Variants in ITFG1 observed in about 807,000 individuals in gnomAD.
ITFG1 encodes the protein integrin alpha FG-GAP repeat containing 1.
In ITFG1, 34 loss-of-function variants were observed where a neutral mutation model predicts 81.8. The ratio of observed to expected loss-of-function variants is 0.42; its 90% CI spans 0.32 to 0.55. ITFG1 has a LOEUF of 0.55. Ranked by LOEUF, ITFG1 falls within the 20% of genes least tolerant of loss-of-function variation. ITFG1 has a pLI of 0.17. For synonymous variants in ITFG1, 285 were observed against 270.6 expected, an observed-to-expected ratio of 1.05 and a Z score of -0.52; for missense variants, 672 against 755.4, an observed-to-expected ratio of 0.89 and a Z score of 1.29.
intron 10 of ITFG1, among the ~76,000 whole-genome samples, chr16:47,290,696 T>G (rs914920657): frequency 3.3e-5 from 5 of 152,212 alleles, no homozygotes; most frequent in Admixed American, 6.5e-5. Context: ...TATGTGTATT[T>G]ACAGGTAAAG....
chr16:47,294,326 C>T (rs1966952699), intron 10 of ITFG1, among the ~76,000 whole-genome samples: 1 of 151,984 alleles, frequency 6.6e-6, no homozygotes, highest in South Asian at 2.1e-4. Flanking sequence ...CTCAGGAGTG[C>T]TTTGGTCATT....
intron 6 of ITFG1, among the ~76,000 whole-genome samples, chr16:47,400,407 T>C (rs1359558107): frequency 6.6e-6 from 1 of 151,232 alleles, no homozygotes; most frequent in African/African-American, 2.4e-5. Context: ...ACACCAGCAT[T>C]GTGTCAGGAC....
intron 10 of ITFG1, among the ~76,000 whole-genome samples, chr16:47,278,201 C>CA (rs1966417497): frequency 6.6e-6 from 1 of 152,130 alleles, no homozygotes; most frequent in South Asian, 2.1e-4. Context: ...ATAGAAGTGT[C>CA]AGTGTTTAAC....
intron 14 of ITFG1, among the ~76,000 whole-genome samples, chr16:47,186,192 C>T: frequency 6.6e-6 from 1 of 152,178 alleles, no homozygotes; most frequent in East Asian, 1.9e-4. Flanking sequence ...CAAGGAGGAA[C>T]TGGTACCATT....
chr16:47,453,268 T>C (rs1210215910), intron 3 of ITFG1, among the ~76,000 whole-genome samples: 1 of 152,210 alleles, frequency 6.6e-6, no homozygotes, highest in African/African-American at 2.4e-5. Context: ...GCAGAAAACA[T>C]GACTGAAATT....
At chr16:47,414,726 G>A (rs1298131613) in intron 6 of ITFG1, among the ~76,000 whole-genome samples, 1 of 152,066 alleles carries the variant, frequency 6.6e-6, no homozygotes. Flanking sequence ...GAACACTTCA[G>A]GAAGAAGAAA....
At chr16:47,220,073 A>G (rs1011506056) in intron 13 of ITFG1, among the ~76,000 whole-genome samples, 1 of 152,184 alleles carries the variant, frequency 6.6e-6, no homozygotes, top group African/African-American at 2.4e-5. Flanking sequence ...TTTCTTTCCT[A>G]TCTGTATTCA....
At chr16:47,408,644 C>T (rs748639304) in intron 6 of ITFG1, among the ~76,000 whole-genome samples, 20 of 152,090 alleles carry the variant, frequency 1.3e-4, no homozygotes, top group Non-Finnish European at 2.1e-4. Flanking sequence ...AAAGCAAAAA[C>T]AGGCGTGGTG....
At chr16:47,179,104 T>C (rs566257438) in intron 14 of ITFG1, among the ~76,000 whole-genome samples, 3 of 151,464 alleles carry the variant, frequency 2.0e-5, no homozygotes, top group Non-Finnish European at 2.9e-5. Context: ...TGTGGAGAAA[T>C]AGGAACACTT....
At chr16:47,177,321 T>C (rs7202975) in intron 14 of ITFG1, among the ~76,000 whole-genome samples, 15,780 of 152,090 alleles carry the variant, frequency 0.1, 1,648 homozygotes, top group African/African-American at 0.27. Context: ...CTCCCTTGTT[T>C]CTAAATGCCA....
At chr16:47,204,906 C>T (rs1276424837) in intron 14 of ITFG1, among the ~76,000 whole-genome samples, 1 of 152,180 alleles carries the variant, frequency 6.6e-6, no homozygotes, top group Non-Finnish European at 1.5e-5. Context: ...AATTATTAGG[C>T]TGTTGTATTC....
chr16:47,380,548 A>G (rs1596945060), intron 6 of ITFG1, among the ~76,000 whole-genome samples: 1 of 152,186 alleles, frequency 6.6e-6, no homozygotes, highest in Non-Finnish European at 1.5e-5. Flanking sequence ...TACTGGCAGG[A>G]GCCAGAAGAG....
intron 10 of ITFG1, among the ~76,000 whole-genome samples, chr16:47,304,286 G>A (rs1412439838): frequency 6.6e-6 from 1 of 152,080 alleles, no homozygotes; most frequent in Non-Finnish European, 1.5e-5. Flanking sequence ...AAAGGGAAAG[G>A]AATGGTATTT....
chr16:47,275,648 T>C (rs1279407000), intron 10 of ITFG1, among the ~76,000 whole-genome samples: 1 of 152,122 alleles, frequency 6.6e-6, no homozygotes, highest in Non-Finnish European at 1.5e-5. Flanking sequence ...CTCCATTTTA[T>C]CTTACAATAT....
At chr16:47,248,205 A>G (rs1354882817) in intron 12 of ITFG1, among the ~76,000 whole-genome samples, 1 of 152,214 alleles carries the variant, frequency 6.6e-6, no homozygotes, top group East Asian at 1.9e-4. Flanking sequence ...CAGGATTTAG[A>G]GGTATCAGCT....
chr16:47,399,857 T>A (rs1015066308), intron 6 of ITFG1, among the ~76,000 whole-genome samples: 2 of 152,196 alleles, frequency 1.3e-5, no homozygotes, highest in African/African-American at 4.8e-5. Flanking sequence ...GGTCATTTAT[T>A]TCTCTACATA....
At chr16:47,298,289 T>A (rs1967015335) in intron 10 of ITFG1, among the ~76,000 whole-genome samples, 2 of 152,200 alleles carry the variant, frequency 1.3e-5, no homozygotes, top group Non-Finnish European at 2.9e-5. Flanking sequence ...TTCTTTACAA[T>A]CAATAATTTA....
intron 6 of ITFG1, among the ~76,000 whole-genome samples, chr16:47,396,524 T>TTGTGTGTGTGTGTGTGTG (rs59625674): frequency 6.7e-6 from 1 of 149,104 alleles, no homozygotes; most frequent in African/African-American, 2.5e-5. Context: ...AATAATTATT[T>TTGTGTGTGTGTGTGTGTG]TGTGTGTGTG....
Position 47,237,979 on chromosome 16 carries a change from GAC to G in ITFG1, c.1358_1359del (p.Cys453SerfsTer3). On this transcript the variant is annotated frameshift_variant, in exon 13 of 18. Transcript: ENST00000320640. LOFTEE classifies it high-confidence loss of function. Reference sequence around the variant, plus strand: ...AATTTACTTACTGTTATCTTACGAGGACAGTCATTAGAACACAGACCACTAAG... The same window carrying G: ...AATTTACTTACTGTTATCTTACGAGGAGTCATTAGAACACAGACCACTAAG... ...IVLSGLCSND[C>X]PRKITPFGVN... The G allele has an allele frequency of 1.4e-6, 2 of 1,451,440 alleles. No individual in the cohort carries two copies. The highest frequency in any genetic ancestry group is 1.9e-6 in the Non-Finnish European group (2 of 1,062,504). 89.9% of individuals were successfully genotyped at this position (1,451,440 alleles called of 1,614,324 possible).
Sources: gnomAD v4.1 joint callset for allele counts (sites outside exome capture counted in the v4.1 genomes callset) on GRCh38, gnomAD v4.1.1 for gene constraint, MANE v1.5 for transcripts, NCBI Gene and HGNC (gene_info 2026-07-23, HGNC 2026-07-21) for gene names.